GNG7: variants seen among roughly 807,000 people sequenced by gnomAD.
The protein encoded by GNG7 is G protein subunit gamma 7.
Under a neutral mutation model 4.0 loss-of-function variants are expected in GNG7, and 1 was observed. The ratio of observed to expected loss-of-function variants is 0.25; its 90% CI spans 0.09 to 1.18. GNG7 has a LOEUF of 1.18. Among genes scored for constraint, GNG7 ranks in the 50% most tolerant of loss-of-function variants. The probability of loss-of-function intolerance (pLI) is 0.50; values close to 1 mark genes in which losing one functional copy is unlikely to be tolerated. For synonymous variants in GNG7, 34 were observed against 36.9 expected, an observed-to-expected ratio of 0.92 and a Z score of 0.29; for missense variants, 86 against 91.9, an observed-to-expected ratio of 0.94 and a Z score of 0.26.
chr19:2,631,254 T>A (rs1003099837), intron 2 of GNG7, among the ~76,000 whole-genome samples: 2 of 152,142 alleles, frequency 1.3e-5, no homozygotes, highest in African/African-American at 2.4e-5. Context: ...ACAGAGCCAG[T>A]AGGTGGCAGA....
Position 2,680,210 on chromosome 19 carries a change from C to T in GNG7, c.-135+22436G>A, listed in dbSNP as rs565809400. Among the ~76,000 whole-genome samples, 65 of 139,858 alleles carry T rather than the reference C, an allele frequency of 4.6e-4. 1 individual carries two copies. The highest frequency in any genetic ancestry group is 1.7e-3 in the African/African-American group (61 of 36,322). 91.8% of individuals were successfully genotyped at this position (139,858 alleles called of 152,430 possible). A position where few individuals can be genotyped will look rare whatever the true frequency, so the allele number is the denominator to read the frequency against. On this transcript the variant is annotated intron_variant, in intron 1 of 4. Coordinates refer to ENST00000382159, the MANE Select transcript of GNG7 (RefSeq NM_052847.3). ...TTGCCCAGGCTGGAGTGCAGTTGTG[C>T]GATCTCGGCTCACCACAACCTCCAC...
chr19:2,675,352 C>A (rs1389955759), intron 1 of GNG7, among the ~76,000 whole-genome samples: 1 of 152,182 alleles, frequency 6.6e-6, no homozygotes, highest in African/African-American at 2.4e-5. Context: ...AACCTCCAGG[C>A]TCAAGGGGAC....
chr19:2,515,267 G>A (rs1237591992), intron 4 of GNG7, 120 bp from the exon 5 acceptor site: 1 of 1,258,528 alleles, frequency 7.9e-7, no homozygotes, highest in Middle Eastern at 2.8e-4. Flanking sequence ...CCATTGATGG[G>A]GGCGTGGGCA....
intron 1 of GNG7, among the ~76,000 whole-genome samples, chr19:2,661,231 G>GGAAA (rs200061814): frequency 0.038 from 3,606 of 95,198 alleles, 159 homozygotes; most frequent in Middle Eastern, 0.074. Flanking sequence ...AAAAAGAAAA[G>GGAAA]GAAAGAAAGA....
chr19:2,538,751 TAG>T (rs1463387962), intron 3 of GNG7: 10 of 432,484 alleles, frequency 2.3e-5, no homozygotes, highest in South Asian at 1.7e-4. Flanking sequence ...TCAGACTTCC[TAG>T]ATATATATAT....
At chr19:2,568,188 CAT>C (rs1234351092) in intron 2 of GNG7, among the ~76,000 whole-genome samples, 2 of 149,990 alleles carry the variant, frequency 1.3e-5, no homozygotes, top group African/African-American at 5.0e-5. Flanking sequence ...CACACATGCA[CAT>C]ACACACACAT....
chr19:2,682,646 A>C (rs1983768180), intron 1 of GNG7, among the ~76,000 whole-genome samples: 2 of 119,330 alleles, frequency 1.7e-5, no homozygotes, highest in Admixed American at 9.4e-5. Flanking sequence ...ACAGGGCGAG[A>C]CTCCATCTCA....
At chr19:2,578,940 C>T (rs1159371302) in intron 2 of GNG7, among the ~76,000 whole-genome samples, 1 of 152,260 alleles carries the variant, frequency 6.6e-6, no homozygotes, top group Non-Finnish European at 1.5e-5. Flanking sequence ...AGACTGACCC[C>T]GGCATGGAAA....
chr19:2,598,612 G>A (rs928448776), intron 2 of GNG7, among the ~76,000 whole-genome samples: 15 of 151,424 alleles, frequency 9.9e-5, no homozygotes, highest in South Asian at 6.3e-4. Context: ...AGCTGAGATC[G>A]CGCCACTGCA....
At chr19:2,688,076 C>G (rs1001719267) in intron 1 of GNG7, among the ~76,000 whole-genome samples, 1 of 151,932 alleles carries the variant, frequency 6.6e-6, no homozygotes, top group African/African-American at 2.4e-5. Context: ...CACGGTGAAA[C>G]CCCGTCCCTA....
At chr19:2,561,240 G>A (rs975095651) in intron 2 of GNG7, among the ~76,000 whole-genome samples, 2 of 152,110 alleles carry the variant, frequency 1.3e-5, no homozygotes, top group Non-Finnish European at 2.9e-5. Flanking sequence ...TGCTCCCAGG[G>A]GATGCTGGGC....
At position 2,511,595 on chromosome 19, in the gene GNG7, C is replaced by T. The variant is rs1055364172; in HGVS notation, c.*3427G>A. On this transcript the variant is annotated 3_prime_UTR_variant, in exon 5 of 5. Coordinates refer to ENST00000382159, the MANE Select transcript of GNG7 (RefSeq NM_052847.3). This position sits in a 1 kb window ranked among gnomAD's most constrained non-coding sequence, Gnocchi z 6.3. ...CCCGGAAGCCCCCCCGGGTCACTCA[C>T]GGGCGGACAGGTGTGTGACGGCCCT... The T allele has an allele frequency of 1.8e-5, 3 of 164,124 alleles. No homozygotes were observed. Among genetic ancestry groups the T allele is most frequent in the Admixed American group, 1.3e-4 (2 of 15,290 alleles). 10.2% of individuals were successfully genotyped at this position (164,124 alleles called of 1,614,324 possible).
intron 2 of GNG7, among the ~76,000 whole-genome samples, chr19:2,565,788 C>T (rs1402908936): frequency 2.0e-5 from 3 of 152,166 alleles, no homozygotes; most frequent in African/African-American, 2.4e-5. Flanking sequence ...CCGAGTCCTA[C>T]AGGAAGCGTC....
rs913390566 is a variant in GNG7 at position 2,557,174 on chromosome 19, G to A, written c.-77-1986C>T. On this transcript the variant is annotated intron_variant, in intron 2 of 4. Transcript: ENST00000382159. This position sits in a 1 kb window ranked among gnomAD's most constrained non-coding sequence, Gnocchi z 5.1. The stretch of plus-strand genomic sequence containing the variant: ...TGCACACAAAGACACGCGCACACAC[G>A]TACACACAAGACACGTGCACACACA... 1.3e-5 allele frequency among the ~76,000 whole-genome samples: 2 copies of A among 150,216 alleles called. No homozygotes were observed. The highest frequency in any genetic ancestry group is 5.0e-5 in the African/African-American group (2 of 40,380).
intron 1 of GNG7, among the ~76,000 whole-genome samples, chr19:2,696,292 G>GAGAGAAAGAA (rs1555705038): frequency 3.7e-5 from 4 of 108,512 alleles, no homozygotes; most frequent in Admixed American, 1.0e-4. Flanking sequence ...AAGAGAGAGA[G>GAGAGAAAGAA]AGAAAGAAAG....
At chr19:2,515,562 G>A (rs1465279568) in intron 4 of GNG7, among the ~76,000 whole-genome samples, 1 of 151,978 alleles carries the variant, frequency 6.6e-6, no homozygotes, top group Non-Finnish European at 1.5e-5. Context: ...CGAGTAGCTG[G>A]GATTACCTTC....
intron 1 of GNG7, 76 bp downstream of exon 1, chr19:2,702,570 C>A (rs1236326466): frequency 6.6e-6 from 1 of 152,014 alleles, no homozygotes; most frequent in Non-Finnish European, 1.5e-5. Flanking sequence ...CAGCCGAATC[C>A]GAGCTGTCCC....
At chr19:2,593,724 A>C (rs762200471) in intron 2 of GNG7, among the ~76,000 whole-genome samples, 80 of 151,708 alleles carry the variant, frequency 5.3e-4, no homozygotes, top group Non-Finnish European at 9.0e-4. Context: ...TGCCTGGGCA[A>C]CAGAGTGAGA....
At chr19:2,678,677 GC>G (rs1983655290) in intron 1 of GNG7, among the ~76,000 whole-genome samples, 1 of 151,996 alleles carries the variant, frequency 6.6e-6, no homozygotes, top group South Asian at 2.1e-4. Context: ...TGGGCAGCAG[GC>G]AGCGCCTCCA....
Sources: allele counts gnomAD v4.1 joint callset (sites outside exome capture counted in the v4.1 genomes callset), GRCh38; gene constraint gnomAD v4.1.1; non-coding constraint Gnocchi (gnomAD v3.1); transcripts MANE v1.5; gene names NCBI Gene and HGNC (gene_info 2026-07-23, HGNC 2026-07-21).